Variants in MLXIP observed in about 807,000 individuals in gnomAD.
MLXIP encodes MLX interacting protein, also known as MLX-interacting protein.
MLXIP carries 30 observed loss-of-function variants against 87.2 expected under a neutral mutation model. The observed-to-expected ratio is 0.34, with a 90% CI of 0.26 to 0.47. The LOEUF is 0.47. Among genes scored for constraint, MLXIP ranks in the 20% least tolerant of loss-of-function variants. MLXIP has a pLI of 1.00. For missense variants in MLXIP, 1,002 were observed against 1,240.1 expected (o/e 0.81, Z 2.88); for synonymous variants, 530 against 514.0 (o/e 1.03, Z -0.42).
chr12:122,135,812 C>A lies in MLXIP; in HGVS notation c.2032+146C>A. ...AGGTCTTGTAGGCCTGCTGATAACACAGTCTGGGAACACGCTCTGTGGGTG... is the reference window on the plus strand; with the variant it reads ...AGGTCTTGTAGGCCTGCTGATAACAAAGTCTGGGAACACGCTCTGTGGGTG... On this transcript the variant is annotated intron_variant, in intron 11 of 16. Coordinates refer to ENST00000319080, the MANE Select transcript of MLXIP (RefSeq NM_014938.6). This position sits in a 1 kb window ranked among gnomAD's most constrained non-coding sequence, Gnocchi z 5.3. 1 of 992,532 alleles carries A rather than the reference C, an allele frequency of 1.0e-6. No individual in the cohort carries two copies. The highest frequency in any genetic ancestry group is 1.4e-6 in the Non-Finnish European group (1 of 710,272). The allele number at this position is 992,532 out of a possible 1,614,324, so 61.5% of individuals were successfully genotyped here.
chr12:122,086,142 G>A (rs1002809413), intron 1 of MLXIP, among the ~76,000 whole-genome samples: 6 of 152,114 alleles, frequency 3.9e-5, no homozygotes, highest in African/African-American at 1.4e-4. Context: ...CGAGGGGACG[G>A]GTTCTCCCCC....
intron 1 of MLXIP, among the ~76,000 whole-genome samples, chr12:122,108,587 A>C (rs1003121260): frequency 1.3e-5 from 2 of 151,904 alleles, no homozygotes; most frequent in Non-Finnish European, 2.9e-5. Context: ...ACTCCTCCCC[A>C]CCTCTAAATG....
At chr12:122,131,262 A>G (rs1952972910) in intron 7 of MLXIP, among the ~76,000 whole-genome samples, 1 of 152,048 alleles carries the variant, frequency 6.6e-6, no homozygotes, top group African/African-American at 2.4e-5. Flanking sequence ...CCATTGTGAC[A>G]GCAGCAGAAA....
intron 1 of MLXIP, among the ~76,000 whole-genome samples, chr12:122,080,311 G>T (rs145482983): frequency 4.5e-4 from 69 of 152,278 alleles, no homozygotes; most frequent in Admixed American, 2.1e-3. Context: ...GCTGTCTTAG[G>T]TCTGCTCTGG....
chr12:122,140,944 C>T lies in MLXIP; in HGVS notation c.2509-10C>T, dbSNP rs372779084. 3.3e-5 allele frequency: 53 copies of T among 1,613,914 alleles called. 2 individuals carry two copies. In the South Asian group the frequency reaches 3.8e-4, roughly 12 times the overall value. ...TCCGTGCTTGCCTTTTCTTTAACCA[C>T]ACACTGCAGTTCAGCATCATCATCA... On this transcript the variant is annotated splice_polypyrimidine_tract_variant and intron_variant, in intron 15 of 16. Coordinates refer to ENST00000319080, the MANE Select transcript of MLXIP (RefSeq NM_014938.6).
At chr12:122,128,475 TAGAC>T (rs1198342706) in intron 3 of MLXIP, 3 of 162,256 alleles carry the variant, frequency 1.8e-5, no homozygotes, top group East Asian at 3.6e-4. Flanking sequence ...AATCTGGTAT[TAGAC>T]AGTATCAAGG....
intron 1 of MLXIP, among the ~76,000 whole-genome samples, chr12:122,098,763 G>T (rs535370373): frequency 6.6e-6 from 1 of 152,356 alleles, no homozygotes; most frequent in African/African-American, 2.4e-5. Context: ...TGAATAAAGT[G>T]CCAGTTGGTG....
At position 122,133,797 on chromosome 12, in the gene MLXIP, T is replaced by C. The variant is rs898241260; in HGVS notation, c.1542T>C (p.Pro514=). ...GCCTTGTGATCACCACCCATCACCC[T>C]GCCCCGTCAGCGGCCCCTTGTGGGC... The part of the protein sequence containing the change: ...SQGLVITTHH[P]APSAAPCGLA... Residue 514 remains proline, a synonymous_variant, in exon 9 of 17, where the codon CCT becomes CCC. Transcript: ENST00000319080. The surrounding 1 kb of genome is among the most constrained non-coding windows in gnomAD (Gnocchi z 4.9). 7 of 1,613,034 alleles carry C rather than the reference T, an allele frequency of 4.3e-6. No individual in the cohort carries two copies. The African/African-American group carries it at 9.3e-5, about 22-fold the overall frequency.
At chr12:122,083,950 T>C (rs1952128227) in intron 1 of MLXIP, among the ~76,000 whole-genome samples, 2 of 152,210 alleles carry the variant, frequency 1.3e-5, no homozygotes, top group Admixed American at 6.5e-5. Context: ...CTTCAGTCTT[T>C]AACCATTAGA....
rs1189845483 is a variant in MLXIP at position 122,093,928 on chromosome 12, G to T, written c.413+14662G>T. 3.1e-5 allele frequency among the ~76,000 whole-genome samples: 3 copies of T among 96,280 alleles called. No individual in the cohort carries two copies. The East Asian group carries it at 1.2e-3, about 39-fold the overall frequency. 63.2% of individuals were successfully genotyped at this position (96,280 alleles called of 152,430 possible). ...TGTGTGTGTGTTTGCGGTGTCTGGTGTGGTGGTGTGTGGGGTGTGTTGGTG... is the reference window on the plus strand; with the variant it reads ...TGTGTGTGTGTTTGCGGTGTCTGGTTTGGTGGTGTGTGGGGTGTGTTGGTG... On this transcript the variant is annotated intron_variant, in intron 1 of 16. Coordinates refer to ENST00000319080, the MANE Select transcript of MLXIP (RefSeq NM_014938.6).
In MLXIP at chr12:122,133,398, C is replaced by T. The variant is rs1437539900; in HGVS notation, c.1143C>T (p.Ser381=). ...TCCCCACTGTGAGCCTTCCTGACAG[C>T]CTCATCGCGCCCCCTACCGCCCCAT... ...TALPTVSLPD[S]LIAPPTAPSL... The change falls in exon 9 of 17, where the codon AGC becomes AGT. Residue 381 remains serine (S), a synonymous_variant. Transcript: ENST00000319080. This position sits in a 1 kb window ranked among gnomAD's most constrained non-coding sequence, Gnocchi z 4.9. 1 of 1,601,318 alleles carries T rather than the reference C, an allele frequency of 6.2e-7. No individual in the cohort carries two copies. Among genetic ancestry groups the T allele is most frequent in the Non-Finnish European group, 8.5e-7 (1 of 1,171,654 alleles).
At chr12:122,117,710 AG>A (rs1279458988) in intron 1 of MLXIP, among the ~76,000 whole-genome samples, 2 of 152,096 alleles carry the variant, frequency 1.3e-5, no homozygotes, top group African/African-American at 2.4e-5. Context: ...CCCTTATCTG[AG>A]GGGGTGTGTT....
intron 1 of MLXIP, among the ~76,000 whole-genome samples, chr12:122,109,959 A>G (rs760769617): frequency 1.3e-5 from 2 of 152,154 alleles, no homozygotes; most frequent in African/African-American, 4.8e-5. Flanking sequence ...GGATCCAGCT[A>G]TTCTTCCTTT....
At chr12:122,110,289 CTTTT>C (rs572656232) in intron 1 of MLXIP, among the ~76,000 whole-genome samples, 1 of 151,630 alleles carries the variant, frequency 6.6e-6, no homozygotes, top group Non-Finnish European at 1.5e-5. Flanking sequence ...GCTTATCTCT[CTTTT>C]TTTTATTTTT....
intron 1 of MLXIP, among the ~76,000 whole-genome samples, chr12:122,083,251 A>C (rs1952117407): frequency 6.6e-6 from 1 of 152,036 alleles, no homozygotes; most frequent in Non-Finnish European, 1.5e-5. Context: ...TGGGGGGAAG[A>C]GATAGTCTTT....
At chr12:122,121,595 T>G (rs1952785849) in intron 1 of MLXIP, among the ~76,000 whole-genome samples, 1 of 152,038 alleles carries the variant, frequency 6.6e-6, no homozygotes, top group African/African-American at 2.4e-5. Flanking sequence ...TTGGAGAGAA[T>G]GGTCTGAGCA....
chr12:122,126,230 T>C (rs998034382), intron 1 of MLXIP, among the ~76,000 whole-genome samples: 6 of 152,162 alleles, frequency 3.9e-5, no homozygotes, highest in East Asian at 1.9e-4. Flanking sequence ...TCTGGACTTA[T>C]TGAATGAAGA....
Position 122,133,825 on chromosome 12 carries a change from G to A in MLXIP, c.1570G>A (p.Ala524Thr), listed in dbSNP as rs753482441. The A allele has an allele frequency of 3.1e-6, 5 of 1,612,874 alleles. No homozygotes were observed. The highest frequency in any genetic ancestry group is 1.3e-5 in the African/African-American group (1 of 75,010). The change falls in exon 9 of 17, where the codon GCA (alanine) becomes ACA (threonine). Residue 524 changes from alanine (A) to threonine (T), a missense_variant. Around this residue, in one of 3 missense-constraint regions of MLXIP, gnomAD observed 746 missense variants for 897.0 expected, o/e 0.83. Transcript: ENST00000319080. This position sits in a 1 kb window ranked among gnomAD's most constrained non-coding sequence, Gnocchi z 4.9. ...CCCGTCAGCGGCCCCTTGTGGGCTG[G>A]CACTGTCTCCTGTCACCCGGCCTCC... ...PAPSAAPCGL[A>T]LSPVTRPPQP...
At chr12:122,141,547 C>G in intron 16 of MLXIP, 144 bp from the exon 17 acceptor site, 3 of 1,327,940 alleles carry the variant, frequency 2.3e-6, no homozygotes, top group Non-Finnish European at 3.0e-6. Flanking sequence ...GGTGTCGGCC[C>G]CTGGCACTCC....
Sources: gnomAD v4.1 joint callset for allele counts (sites outside exome capture counted in the v4.1 genomes callset) on GRCh38, gnomAD v4.1.1 for gene constraint, gnomAD v4.1.1 regional missense constraint, Gnocchi (gnomAD v3.1) non-coding constraint, MANE v1.5 for transcripts, NCBI Gene and HGNC (gene_info 2026-07-23, HGNC 2026-07-21) for gene names.